The following CNTN5 variants were observed in gnomAD, a reference collection of about 807,000 sequenced individuals.
The protein encoded by CNTN5 is contactin-5.
CNTN5 carries 77 observed loss-of-function variants against 129.1 expected under a neutral mutation model. That is an observed-to-expected ratio of 0.60 (90% CI 0.50 to 0.72). The LOEUF (loss-of-function observed/expected upper bound fraction) is 0.72. CNTN5 is among the 30% of genes least tolerant of loss of function. The pLI is 0.00. For missense variants in CNTN5, 1,478 were observed against 1,328.8 expected (o/e 1.11, Z -1.75); for synonymous variants, 509 against 465.6 (o/e 1.09, Z -1.20).
chr11:100,335,493 C>A (rs1187162402), intron 21 of CNTN5, among the ~76,000 whole-genome samples: 1 of 152,122 alleles, frequency 6.6e-6, no homozygotes, highest in Non-Finnish European at 1.5e-5. Context: ...CATCCTTGGT[C>A]AGGCACGGTG....
intron 2 of CNTN5, among the ~76,000 whole-genome samples, chr11:99,497,297 A>G (rs1424801160): frequency 6.6e-6 from 1 of 152,210 alleles, no homozygotes; most frequent in Non-Finnish European, 1.5e-5. Context: ...GGAGAAATAG[A>G]TTGCTTTGAT....
At chr11:99,698,536 C>G (rs1954372600) in intron 3 of CNTN5, among the ~76,000 whole-genome samples, 1 of 151,402 alleles carries the variant, frequency 6.6e-6, no homozygotes, top group Admixed American at 6.6e-5. Flanking sequence ...CTTATGGTGA[C>G]AGAGGCAATA....
At chr11:100,248,574 C>G (rs1212638429) in intron 16 of CNTN5, among the ~76,000 whole-genome samples, 1 of 151,870 alleles carries the variant, frequency 6.6e-6, no homozygotes, top group South Asian at 2.1e-4. Context: ...AACAAAAAAG[C>G]AGGAAAGTCC....
At chr11:99,792,534 GA>G (rs1945781699) in intron 3 of CNTN5, among the ~76,000 whole-genome samples, 1 of 90,416 alleles carries the variant, frequency 1.1e-5, no homozygotes, top group African/African-American at 5.7e-5. Context: ...TTGGCCTGAA[GA>G]GGGGTGTGTG....
chr11:99,782,595 A>C lies in CNTN5; in HGVS notation c.56-36949A>C, dbSNP rs1361647898. Among the ~76,000 whole-genome samples the C allele has an allele frequency of 4.0e-5, 6 of 151,864 alleles. No individual in the cohort carries two copies. In the East Asian group the frequency reaches 9.8e-4, roughly 25 times the overall value. On this transcript the variant is annotated intron_variant, in intron 3 of 24. Coordinates refer to ENST00000524871, the MANE Select transcript of CNTN5 (RefSeq NM_014361.4). ...TCAAACTATACTGCAAGGCTACAGT[A>C]ACCAAAACAGCATGGTACTGGTACC...
chr11:100,220,320 G>A (rs1949238092), intron 15 of CNTN5, among the ~76,000 whole-genome samples: 1 of 151,532 alleles, frequency 6.6e-6, no homozygotes, highest in South Asian at 2.1e-4. Flanking sequence ...AAGAAATACT[G>A]TTACTAGGAA....
chr11:99,061,320 T>G (rs1864865945), intron 1 of CNTN5, among the ~76,000 whole-genome samples: 1 of 151,824 alleles, frequency 6.6e-6, no homozygotes, highest in African/African-American at 2.4e-5. Flanking sequence ...AAAGACTGAG[T>G]GTGTGGGGAG....
At chr11:99,889,631 G>C (rs1369948066) in intron 6 of CNTN5, among the ~76,000 whole-genome samples, 1 of 151,144 alleles carries the variant, frequency 6.6e-6, no homozygotes, top group Non-Finnish European at 1.5e-5. Context: ...TGCCTCCTGG[G>C]TTCGAGCGAT....
intron 1 of CNTN5, among the ~76,000 whole-genome samples, chr11:99,115,845 G>A (rs1858020985): frequency 6.6e-6 from 1 of 152,134 alleles, no homozygotes; most frequent in African/African-American, 2.4e-5. Context: ...GCAAAGAAAG[G>A]AAGGAGACAC....
At chr11:99,842,095 G>A (rs1360555488) in intron 4 of CNTN5, among the ~76,000 whole-genome samples, 2 of 151,794 alleles carry the variant, frequency 1.3e-5, no homozygotes, top group Admixed American at 6.6e-5. Flanking sequence ...GGGTTTCACC[G>A]TGTTGGCCAG....
In CNTN5 at chr11:100,098,797, T is replaced by C. The variant is rs114330141; in HGVS notation, c.1580+24503T>C. On this transcript the variant is annotated intron_variant, in intron 13 of 24. Transcript: ENST00000524871. Reference sequence around the variant, plus strand: ...CTGACCTTGGCTGGTACCTTTCATATCCCTCATCACATCTGTCACATCTGT... The same window carrying C: ...CTGACCTTGGCTGGTACCTTTCATACCCCTCATCACATCTGTCACATCTGT... 6.2e-3 allele frequency among the ~76,000 whole-genome samples: 951 copies of C among 152,170 alleles called. 8 individuals are homozygous for C. Among genetic ancestry groups the C allele is most frequent in the African/African-American group, 0.022 (909 of 41,534 alleles).
At chr11:99,507,591 A>G (rs1381302106) in intron 2 of CNTN5, among the ~76,000 whole-genome samples, 1 of 152,158 alleles carries the variant, frequency 6.6e-6, no homozygotes, top group Non-Finnish European at 1.5e-5. Flanking sequence ...TACTTTGAAA[A>G]TATTCTAGAA....
chr11:99,363,504 A>G (rs1262315841), intron 2 of CNTN5, among the ~76,000 whole-genome samples: 1 of 152,128 alleles, frequency 6.6e-6, no homozygotes, highest in Non-Finnish European at 1.5e-5. Flanking sequence ...GAGATTTTCA[A>G]GCTGTTCCCT....
rs542624248 is a variant in CNTN5, at chr11:99,027,273, A to G, written c.-210+6003A>G. Among the ~76,000 whole-genome samples the G allele has an allele frequency of 2.0e-5, 3 of 151,616 alleles. No individual in the cohort carries two copies. In the South Asian group the frequency reaches 6.2e-4, roughly 31 times the overall value. ...GACTGGCAGGTTTTCTTTTTTTCCT[A>G]GTAATAAATGTTTAATGGAAGCCCT... On this transcript the variant is annotated intron_variant, in intron 1 of 24. Coordinates refer to ENST00000524871, the MANE Select transcript of CNTN5 (RefSeq NM_014361.4).
At chr11:99,311,202 C>T (rs936958648) in intron 1 of CNTN5, among the ~76,000 whole-genome samples, 1 of 152,204 alleles carries the variant, frequency 6.6e-6, no homozygotes, top group Non-Finnish European at 1.5e-5. Flanking sequence ...GCTGAGATTA[C>T]AGGCATGAGC....
At chr11:99,504,974 G>T (rs549075641) in intron 2 of CNTN5, among the ~76,000 whole-genome samples, 1 of 152,244 alleles carries the variant, frequency 6.6e-6, no homozygotes, top group African/African-American at 2.4e-5. Flanking sequence ...AAATAAAATA[G>T]TCTTTGAATA....
chr11:100,071,787 A>T lies in CNTN5; in HGVS notation c.1382A>T (p.Glu461Val). Residue 461 changes from glutamate to valine, a missense_variant, in exon 12 of 25, where the codon GAA becomes GTA. By Grantham distance (121) the Glu-to-Val change is moderately radical. Coordinates refer to ENST00000524871, the MANE Select transcript of CNTN5 (RefSeq NM_014361.4). ...SDAGMYQCLA[E>V]NKYGAIYASA... is the part of the protein sequence containing the mutation. ...GCTGGAATGTATCAGTGTTTGGCTGAAAATAAGTATGGAGCCATTTACGCT... is the reference window on the plus strand; with the variant it reads ...GCTGGAATGTATCAGTGTTTGGCTGTAAATAAGTATGGAGCCATTTACGCT... The T allele has an allele frequency of 6.2e-7, 1 of 1,607,938 alleles. No individual in the cohort carries two copies. The highest frequency in any genetic ancestry group is 8.5e-7 in the Non-Finnish European group (1 of 1,176,980).
chr11:99,737,500 A>T (rs2135137591), intron 3 of CNTN5, among the ~76,000 whole-genome samples: 1 of 152,180 alleles, frequency 6.6e-6, no homozygotes, highest in Non-Finnish European at 1.5e-5. Flanking sequence ...ATCAGAATTT[A>T]TTTCTTGGTG....
chr11:100,333,375 A>G (rs1018103877), intron 21 of CNTN5, among the ~76,000 whole-genome samples: 5 of 143,526 alleles, frequency 3.5e-5, no homozygotes, highest in African/African-American at 1.3e-4. Context: ...TGCAATTTCC[A>G]TCAAAATACC....
Sources: allele counts gnomAD v4.1 joint callset (sites outside exome capture counted in the v4.1 genomes callset), GRCh38; gene constraint gnomAD v4.1.1; transcripts MANE v1.5; gene names NCBI Gene and HGNC (gene_info 2026-07-23, HGNC 2026-07-21).